Variants in TRIM2 observed in about 807,000 individuals in gnomAD.
TRIM2 encodes the protein tripartite motif-containing protein 2.
A neutral mutation model predicts 75.2 loss-of-function variants in TRIM2; 20 were observed. That is an observed-to-expected ratio of 0.27 (90% CI 0.19 to 0.39). The LOEUF (loss-of-function observed/expected upper bound fraction) is 0.39. Among genes scored for constraint, TRIM2 ranks in the 10% least tolerant of loss-of-function variants. The probability of loss-of-function intolerance (pLI) is 1.00; values close to 1 mark genes in which losing one functional copy is unlikely to be tolerated. For missense variants in TRIM2, 660 were observed against 990.8 expected (o/e 0.67, Z 4.48); for synonymous variants, 373 against 388.3 (o/e 0.96, Z 0.46).
intron 1 of TRIM2, among the ~76,000 whole-genome samples, chr4:153,262,165 G>T (rs778750113): frequency 6.6e-6 from 1 of 152,196 alleles, no homozygotes; most frequent in Non-Finnish European, 1.5e-5. Context: ...AGATACAGCC[G>T]ATTTACCAAG....
intron 1 of TRIM2, among the ~76,000 whole-genome samples, chr4:153,232,347 A>C (rs549154035): frequency 1.1e-4 from 17 of 152,088 alleles, no homozygotes; most frequent in Non-Finnish European, 2.5e-4. Context: ...AAAAATACAA[A>C]AATTAGCTGG....
intron 4 of TRIM2, among the ~76,000 whole-genome samples, chr4:153,293,705 A>G (rs1422299500): frequency 1.3e-5 from 2 of 152,252 alleles, no homozygotes; most frequent in Non-Finnish European, 2.9e-5. Flanking sequence ...CTCTCCACTG[A>G]TAGCTGTAGT....
At position 153,163,612 on chromosome 4, in the gene TRIM2, C is replaced by G. The variant is rs575339611; in HGVS notation, c.-49+10342C>G. On this transcript the variant is annotated intron_variant, in intron 1 of 11. Transcript: ENST00000437508. ...CGCTTCCCAGGTTTAAGCAATTTTC[C>G]TGCCTCAGCCTCCGGAGTAGCTGGG... 3.4e-5 allele frequency among the ~76,000 whole-genome samples: 5 copies of G among 147,238 alleles called. No individual in the cohort carries two copies. In the South Asian group the frequency reaches 1.1e-3, roughly 32 times the overall value.
chr4:153,221,295 C>T (rs1383738694), intron 1 of TRIM2, among the ~76,000 whole-genome samples: 1 of 152,064 alleles, frequency 6.6e-6, no homozygotes, highest in Non-Finnish European at 1.5e-5. Flanking sequence ...CCAAGTGTGG[C>T]GGTGTGCCTA....
At chr4:153,299,990 G>T (rs1763530209) in intron 6 of TRIM2, among the ~76,000 whole-genome samples, 1 of 152,174 alleles carries the variant, frequency 6.6e-6, no homozygotes, top group African/African-American at 2.4e-5. Flanking sequence ...TACTCCGTTT[G>T]CAAGTCGCAC....
chr4:153,294,184 A>G (rs1444318475), intron 4 of TRIM2, 121 bp from the exon 5 acceptor site: 2 of 979,630 alleles, frequency 2.0e-6, no homozygotes, highest in East Asian at 2.6e-5. Context: ...TTCTCTGGTT[A>G]TTGTTTTTTT....
Position 153,334,848 on chromosome 4 carries a change from T to A in TRIM2, c.2198T>A (p.Ile733Asn). 1 of 1,613,676 alleles carries A rather than the reference T, an allele frequency of 6.2e-7. No homozygotes were observed. The highest frequency in any genetic ancestry group is 8.5e-7 in the Non-Finnish European group (1 of 1,179,734). The change falls in exon 12 of 12, where the codon ATT becomes AAT. Residue 733 changes from isoleucine (I) to asparagine (N), a missense_variant. By Grantham distance (149) the Ile-to-Asn change is moderately radical. This residue lies in a region of TRIM2 where 40 missense variants were observed against 99.8 expected (regional missense o/e 0.40). Coordinates refer to ENST00000338700, the MANE Select transcript of TRIM2 (RefSeq NM_015271.5). ...FDGSGSFLSY[I>N]NTSADPLYGP... ...GGGAGTGGATCATTTTTGTCCTACA[T>A]TAACACATCTGCTGACCCACTCTAT... is the stretch of plus-strand genomic sequence containing the variant.
At chr4:153,241,654 G>A (rs1746649879) in intron 1 of TRIM2, among the ~76,000 whole-genome samples, 1 of 152,184 alleles carries the variant, frequency 6.6e-6, no homozygotes, top group African/African-American at 2.4e-5. Context: ...GCTAGGAGGA[G>A]CGGGAACCTT....
At chr4:153,312,872 C>G (rs368824326) in intron 6 of TRIM2, among the ~76,000 whole-genome samples, 5 of 152,116 alleles carry the variant, frequency 3.3e-5, no homozygotes, top group South Asian at 4.1e-4. Context: ...AGAATTGTTT[C>G]TGTTTCTAGC....
intron 1 of TRIM2, among the ~76,000 whole-genome samples, chr4:153,177,706 G>A (rs529808597): frequency 1.5e-5 from 1 of 68,174 alleles, no homozygotes; most frequent in Non-Finnish European, 3.1e-5. Context: ...ATGGTGGCTC[G>A]CTCCTTCCTT....
At chr4:153,187,306 A>G (rs1228441525) in intron 1 of TRIM2, among the ~76,000 whole-genome samples, 3 of 152,168 alleles carry the variant, frequency 2.0e-5, no homozygotes, top group Non-Finnish European at 2.9e-5. Context: ...ACCGTCAAGG[A>G]CTTACTAAGG....
intron 1 of TRIM2, among the ~76,000 whole-genome samples, chr4:153,225,249 C>T (rs942312476): frequency 7.2e-5 from 11 of 152,284 alleles, no homozygotes; most frequent in Middle Eastern, 3.4e-3. Context: ...TATAAATTCC[C>T]AAAGACAGCT....
intron 2 of TRIM2, among the ~76,000 whole-genome samples, chr4:153,273,270 CTTTTTTTTTT>C (rs72414117): frequency 1.7e-5 from 1 of 57,390 alleles, no homozygotes; most frequent in Admixed American, 2.1e-4. Flanking sequence ...TACAGTCACT[CTTTTTTTTTT>C]TTTTTTTTTT....
At chr4:153,169,447 T>A (rs1418319257) in intron 1 of TRIM2, among the ~76,000 whole-genome samples, 1 of 152,244 alleles carries the variant, frequency 6.6e-6, no homozygotes, top group Non-Finnish European at 1.5e-5. Flanking sequence ...TATTCCAAGA[T>A]AAACTGTGTA....
chr4:153,234,528 G>T (rs556039981), intron 1 of TRIM2, among the ~76,000 whole-genome samples: 2 of 152,344 alleles, frequency 1.3e-5, no homozygotes, highest in South Asian at 4.1e-4. Context: ...TTCTGCTGCG[G>T]ATCTCAGTCA....
At position 153,324,162 on chromosome 4, in the gene TRIM2, A is replaced by T. The variant is rs779862952; in HGVS notation, c.2022+14A>T. On this transcript the variant is annotated intron_variant, in intron 10 of 11. Coordinates refer to ENST00000338700, the MANE Select transcript of TRIM2 (RefSeq NM_015271.5). ...CATTCTGTCAAGGTACTACAAGCAC[A>T]TGAGTTGTTGTTAACTTTTAACTGC... is the stretch of plus-strand genomic sequence containing the variant. The T allele has an allele frequency of 1.2e-6, 2 of 1,604,840 alleles. No homozygotes were observed. The highest frequency in any genetic ancestry group is 1.7e-6 in the Non-Finnish European group (2 of 1,175,924).
Position 153,335,880 on chromosome 4 carries a change from G to A in TRIM2, c.*914G>A, listed in dbSNP as rs1173875744. On this transcript the variant is annotated 3_prime_UTR_variant, in exon 12 of 12. Transcript: ENST00000338700. ...CCTCCTGCAAATGTCAGCACATGTAGTAGGACACCAGTATCCTAGGACAGA... is the reference window on the plus strand; with the variant it reads ...CCTCCTGCAAATGTCAGCACATGTAATAGGACACCAGTATCCTAGGACAGA... 21 of 985,688 alleles carry A rather than the reference G, an allele frequency of 2.1e-5. No homozygotes were observed. Among genetic ancestry groups the A allele is most frequent in the Non-Finnish European group, 2.5e-5 (21 of 829,944 alleles). 61.1% of individuals were successfully genotyped at this position (985,688 alleles called of 1,614,324 possible). A position where few individuals can be genotyped will look rare whatever the true frequency, so the allele number is the denominator to read the frequency against.
In TRIM2 at chr4:153,205,534, C is replaced by T. The variant is rs75158747; in HGVS notation, c.30+974C>T. ...TCCTGCTGAAAAAAAGAATCACCTA[C>T]GGCAGCTTTGATCAGATAAGTTTCT... is the stretch of plus-strand genomic sequence containing the variant. On this transcript the variant is annotated intron_variant, in intron 1 of 11. Coordinates refer to ENST00000338700, the MANE Select transcript of TRIM2 (RefSeq NM_015271.5). Among the ~76,000 whole-genome samples, 1,112 of 152,212 alleles carry T rather than the reference C, an allele frequency of 7.3e-3. 14 individuals carry two copies. The highest frequency in any genetic ancestry group is 0.025 in the African/African-American group (1,056 of 41,546).
intron 3 of TRIM2, 99 bp downstream of exon 3, chr4:153,276,229 C>A: frequency 1.0e-6 from 1 of 996,672 alleles, no homozygotes. Flanking sequence ...AACAGAACTC[C>A]ATGTGGAAAA....
Sources: allele counts gnomAD v4.1 joint callset (sites outside exome capture counted in the v4.1 genomes callset), GRCh38; gene constraint gnomAD v4.1.1; regional missense constraint gnomAD v4.1.1; transcripts MANE v1.5; gene names NCBI Gene and HGNC (gene_info 2026-07-23, HGNC 2026-07-21).